PRKCB: variants seen among roughly 807,000 people sequenced by gnomAD.
PRKCB encodes the protein protein kinase C beta type.
Under a neutral mutation model 81.5 loss-of-function variants are expected in PRKCB, and 13 were observed. The observed-to-expected ratio is 0.16, with a 90% CI of 0.10 to 0.25. The LOEUF (loss-of-function observed/expected upper bound fraction) is 0.25, where lower values mean the gene tolerates loss of function less well. Among genes scored for constraint, PRKCB ranks in the 10% least tolerant of loss-of-function variants. PRKCB has a pLI of 1.00. For synonymous variants in PRKCB, 335 were observed against 321.4 expected (o/e 1.04, Z -0.45); for missense variants, 509 against 875.7 (o/e 0.58, Z 5.29).
At chr16:23,940,781 T>C (rs1429991733) in intron 2 of PRKCB, among the ~76,000 whole-genome samples, 1 of 152,170 alleles carries the variant, frequency 6.6e-6, no homozygotes, top group African/African-American at 2.4e-5. Context: ...ATTACAATGG[T>C]GTTCAGACTG....
intron 2 of PRKCB, among the ~76,000 whole-genome samples, chr16:23,906,212 A>G (rs1963558879): frequency 6.6e-6 from 1 of 152,184 alleles, no homozygotes; most frequent in South Asian, 2.1e-4. Context: ...ATATTATCAA[A>G]CTTTTTCATT....
intron 16 of PRKCB, among the ~76,000 whole-genome samples, chr16:24,204,556 T>C (rs114850873): frequency 0.012 from 1,875 of 152,310 alleles, 35 homozygotes; most frequent in African/African-American, 0.043. Context: ...GTGAGTTTAC[T>C]TGAAGCCAAC....
At chr16:24,198,610 G>T (rs566929049) in intron 16 of PRKCB, among the ~76,000 whole-genome samples, 1 of 152,274 alleles carries the variant, frequency 6.6e-6, no homozygotes, top group African/African-American at 2.4e-5. Flanking sequence ...AGTGCTGGGG[G>T]TTACAGGCGT....
At chr16:23,891,617 T>C (rs991548894) in intron 2 of PRKCB, among the ~76,000 whole-genome samples, 4 of 152,230 alleles carry the variant, frequency 2.6e-5, no homozygotes, top group Non-Finnish European at 5.9e-5. Flanking sequence ...GGAGCTATTA[T>C]GATTATTTAT....
chr16:23,861,749 T>C (rs1962668831), intron 2 of PRKCB, among the ~76,000 whole-genome samples: 1 of 152,170 alleles, frequency 6.6e-6, no homozygotes, highest in South Asian at 2.1e-4. Context: ...CTTGGAGCTG[T>C]GGCAGCTATG....
At chr16:23,883,502 G>A (rs1011801954) in intron 2 of PRKCB, among the ~76,000 whole-genome samples, 3 of 152,186 alleles carry the variant, frequency 2.0e-5, no homozygotes, top group African/African-American at 4.8e-5. Flanking sequence ...GTTTTAGGTA[G>A]GCGAGATGCA....
intron 5 of PRKCB, among the ~76,000 whole-genome samples, chr16:24,076,507 T>G (rs1425861830): frequency 2.0e-5 from 3 of 152,146 alleles, no homozygotes; most frequent in African/African-American, 7.2e-5. Context: ...AAGTCAGAAT[T>G]CACTGGCTTT....
At chr16:24,020,976 T>TTTTCTTTCTCTTTCTTTC (rs1965353571) in intron 3 of PRKCB, among the ~76,000 whole-genome samples, 1 of 96,630 alleles carries the variant, frequency 1.0e-5, no homozygotes, top group African/African-American at 4.1e-5. Context: ...AGACTTTTCT[T>TTTTCTTTCTCTTTCTTTC]TTTCTTTCTT....
intron 16 of PRKCB, chr16:24,203,202 C>T (rs966621577): frequency 6.6e-6 from 1 of 151,586 alleles, no homozygotes; most frequent in Admixed American, 6.6e-5. Context: ...ACTCGACCTC[C>T]CAGGCTTAAG....
chr16:24,114,856 TA>T (rs145968919), intron 8 of PRKCB, among the ~76,000 whole-genome samples: 134 of 145,502 alleles, frequency 9.2e-4, no homozygotes, highest in Admixed American at 2.3e-3. Flanking sequence ...CACACACAAA[TA>T]AAAAAAAAAC....
In PRKCB at chr16:24,216,678, C is replaced by T. The variant is rs565817695; in HGVS notation, c.*1862C>T. ...CTCTTCTTGCTTCAGGCTTGGGGAC[C>T]GTCCCTGCTGTCCCCACTGTGGTGG... On this transcript the variant is annotated 3_prime_UTR_variant, in exon 17 of 17. Coordinates refer to ENST00000643927, the MANE Select transcript of PRKCB (RefSeq NM_002738.7). 51 of 985,442 alleles carry T rather than the reference C, an allele frequency of 5.2e-5. No individual in the cohort carries two copies. The Admixed American group carries it at 8.6e-4, about 17-fold the overall frequency. 61.0% of individuals were successfully genotyped at this position (985,442 alleles called of 1,614,324 possible). A position where few individuals can be genotyped will look rare whatever the true frequency, so the allele number is the denominator to read the frequency against.
At chr16:24,015,031 C>G (rs1435984164) in intron 3 of PRKCB, among the ~76,000 whole-genome samples, 1 of 152,158 alleles carries the variant, frequency 6.6e-6, no homozygotes, top group East Asian at 1.9e-4. Flanking sequence ...GAACTCCTGG[C>G]CTCAAGTGAT....
chr16:24,083,430 GA>G (rs1187253416), intron 5 of PRKCB, among the ~76,000 whole-genome samples: 9 of 152,148 alleles, frequency 5.9e-5, no homozygotes, highest in African/African-American at 2.2e-4. Context: ...GAAGACCACT[GA>G]AATATTCTTT....
At chr16:24,203,251 C>CA (rs113117633) in intron 16 of PRKCB, 30,989 of 139,348 alleles carry the variant, frequency 0.22, 3,465 homozygotes, top group African/African-American at 0.29. Flanking sequence ...GACCCTGTCT[C>CA]AAAAAAAAAA....
intron 16 of PRKCB, among the ~76,000 whole-genome samples, chr16:24,193,444 CAAATAAAT>C (rs56289209): frequency 0.35 from 42,558 of 121,610 alleles, 7,709 homozygotes; most frequent in East Asian, 0.53. Flanking sequence ...GACTCCATCT[CAAATAAAT>C]AAATAAATAA....
chr16:23,911,143 T>TTTTTA (rs1269869199), intron 2 of PRKCB, among the ~76,000 whole-genome samples: 1 of 120,778 alleles, frequency 8.3e-6, no homozygotes, highest in African/African-American at 3.1e-5. Flanking sequence ...TTTTTTTTTT[T>TTTTTA]TTTTTTTTTT....
At chr16:23,890,218 T>C (rs974091079) in intron 2 of PRKCB, among the ~76,000 whole-genome samples, 2 of 152,180 alleles carry the variant, frequency 1.3e-5, no homozygotes, top group Non-Finnish European at 2.9e-5. Context: ...ACTGTCCAGT[T>C]TTATTGCCTG....
chr16:24,026,150 G>A (rs769133013), intron 3 of PRKCB, among the ~76,000 whole-genome samples: 5 of 152,116 alleles, frequency 3.3e-5, no homozygotes, highest in Non-Finnish European at 7.4e-5. Context: ...ATAAAAATTA[G>A]CCAGGCATAT....
chr16:23,853,143 T>C (rs1462792321), intron 2 of PRKCB, among the ~76,000 whole-genome samples: 4 of 152,248 alleles, frequency 2.6e-5, no homozygotes, highest in African/African-American at 7.2e-5. Flanking sequence ...CTAGGAAAAC[T>C]TGAGCTCACA....
Sources: gnomAD v4.1 joint callset for allele counts (sites outside exome capture counted in the v4.1 genomes callset) on GRCh38, gnomAD v4.1.1 for gene constraint, MANE v1.5 for transcripts, NCBI Gene and HGNC (gene_info 2026-07-23, HGNC 2026-07-21) for gene names.